Variants in NAALADL2 observed in about 807,000 individuals in gnomAD.
The protein encoded by NAALADL2 is N-acetylated alpha-linked acidic dipeptidase like 2, also known as inactive N-acetylated-alpha-linked acidic dipeptidase-like protein 2.
In NAALADL2, 76 loss-of-function variants were observed where a neutral mutation model predicts 87.2. The observed-to-expected ratio is 0.87, with a 90% CI of 0.72 to 1.05. NAALADL2 has a LOEUF of 1.05. Among genes scored for constraint, NAALADL2 ranks in the 50% least tolerant of loss-of-function variants. NAALADL2 has a pLI of 0.00. For missense variants in NAALADL2, 1,089 were observed against 945.8 expected (o/e 1.15, Z -1.99); for synonymous variants, 354 against 331.0 (o/e 1.07, Z -0.75).
chr3:175,777,774 A>G (rs537596149), intron 13 of NAALADL2, among the ~76,000 whole-genome samples: 1 of 152,280 alleles, frequency 6.6e-6, no homozygotes, highest in Admixed American at 6.5e-5. Flanking sequence ...TCCAGACCAC[A>G]AAAGTCTTTC....
chr3:175,019,817 T>G (rs1418789226), intron 1 of NAALADL2, among the ~76,000 whole-genome samples: 2 of 152,106 alleles, frequency 1.3e-5, no homozygotes, highest in African/African-American at 4.8e-5. Context: ...TGTCATTCTC[T>G]TATGCAAATT....
chr3:175,579,715 A>T (rs55802589), intron 10 of NAALADL2, among the ~76,000 whole-genome samples: 16,971 of 152,240 alleles, frequency 0.11, 1,215 homozygotes, highest in Middle Eastern at 0.17. Context: ...CAATGCGGAG[A>T]ATGTCAAAAA....
At chr3:174,858,026 G>T (rs1439433676), upstream of NAALADL2, among the ~76,000 whole-genome samples, 2 of 150,846 alleles carry the variant, frequency 1.3e-5, no homozygotes, top group African/African-American at 4.9e-5. Flanking sequence ...AAAAGCAATG[G>T]ATTATAAAGA....
intron 3 of NAALADL2, among the ~76,000 whole-genome samples, chr3:174,807,658 T>C (rs1400124104): frequency 6.6e-6 from 1 of 152,094 alleles, no homozygotes; most frequent in Non-Finnish European, 1.5e-5. Flanking sequence ...ATAATAAATA[T>C]ATTTATTTCT....
intron 1 of NAALADL2, among the ~76,000 whole-genome samples, chr3:174,462,487 A>G (rs1349211480): frequency 6.6e-6 from 1 of 152,168 alleles, no homozygotes; most frequent in Non-Finnish European, 1.5e-5. Flanking sequence ...GTATTTTTAT[A>G]AAGAAATTTT....
At chr3:175,199,913 A>AGTTG (rs1426418999) in intron 2 of NAALADL2, among the ~76,000 whole-genome samples, 4 of 114,990 alleles carry the variant, frequency 3.5e-5, no homozygotes. Context: ...TCTGAAGCAA[A>AGTTG]GTTGGTATTC....
At chr3:175,432,519 A>G (rs1201762210) in intron 5 of NAALADL2, among the ~76,000 whole-genome samples, 2 of 152,014 alleles carry the variant, frequency 1.3e-5, no homozygotes, top group African/African-American at 2.4e-5. Flanking sequence ...AATCAACACC[A>G]TATGTAGTCA....
intron 1 of NAALADL2, among the ~76,000 whole-genome samples, chr3:175,046,174 A>G (rs147478168): frequency 2.5e-3 from 375 of 151,988 alleles, no homozygotes; most frequent in African/African-American, 8.3e-3. Flanking sequence ...GTTATCTTCT[A>G]TTTTCTAGGT....
intron 1 of NAALADL2, among the ~76,000 whole-genome samples, chr3:174,495,263 CAAAA>C (rs199803612): frequency 8.3e-5 from 10 of 120,380 alleles, no homozygotes; most frequent in Admixed American, 1.6e-4. Flanking sequence ...ATTAACAAAC[CAAAA>C]AAAAAAAAAA....
chr3:174,613,062 C>T (rs1328606970), intron 2 of NAALADL2, among the ~76,000 whole-genome samples: 1 of 152,194 alleles, frequency 6.6e-6, no homozygotes, highest in Non-Finnish European at 1.5e-5. Flanking sequence ...CCTTGATGGT[C>T]TTGGACAAGA....
In NAALADL2 at chr3:174,673,981, C is replaced by T. The variant is rs558917994; in HGVS notation, c.-114-63660C>T. Among the ~76,000 whole-genome samples the T allele has an allele frequency of 2.0e-5, 3 of 152,054 alleles. No homozygotes were observed. In the South Asian group the frequency reaches 6.2e-4, roughly 32 times the overall value. On this transcript the variant is annotated intron_variant, in intron 2 of 3. Coordinates refer to the NAALADL2 transcript ENST00000434257. ...TGGCAGCTGTTTTAGGCAATTCTTA[C>T]ATTGCTATAAATATATTAATTTGGA...
chr3:175,516,641 G>T (rs2193847), intron 9 of NAALADL2, among the ~76,000 whole-genome samples: 140,597 of 152,264 alleles, frequency 0.92, 65,005 homozygotes, highest in East Asian at 0.97. Flanking sequence ...AGAAAATACC[G>T]TGAGGAGTAT....
chr3:175,335,351 A>G (rs891951599), intron 5 of NAALADL2, among the ~76,000 whole-genome samples: 2 of 152,224 alleles, frequency 1.3e-5, no homozygotes, highest in African/African-American at 4.8e-5. Context: ...ATAGATGTCT[A>G]AAACAGTGTG....
chr3:175,300,740 G>GATTTATTT (rs34592647), intron 4 of NAALADL2, among the ~76,000 whole-genome samples: 1 of 145,516 alleles, frequency 6.9e-6, no homozygotes, highest in Non-Finnish European at 1.5e-5. Flanking sequence ...CCATCTCCTG[G>GATTTATTT]ATTTATTTAT....
At chr3:175,206,080 G>A (rs1740793029) in intron 2 of NAALADL2, among the ~76,000 whole-genome samples, 2 of 151,510 alleles carry the variant, frequency 1.3e-5, no homozygotes, top group Admixed American at 6.6e-5. Context: ...ATTTGATACA[G>A]CAATCCCACT....
chr3:174,584,234 G>T (rs971420751), intron 2 of NAALADL2, among the ~76,000 whole-genome samples: 9 of 152,084 alleles, frequency 5.9e-5, no homozygotes, highest in Non-Finnish European at 1.3e-4. Flanking sequence ...GGTAATCAGA[G>T]AAATTTTACT....
intron 1 of NAALADL2, among the ~76,000 whole-genome samples, chr3:174,860,165 A>G (rs1001085478): frequency 2.6e-5 from 4 of 152,132 alleles, no homozygotes; most frequent in African/African-American, 9.6e-5. Flanking sequence ...GGCCTAATCA[A>G]TATTTGTTAT....
rs576566534 is a variant in NAALADL2 at position 175,747,134 on chromosome 3, C to G, written c.1991-8086C>G. On this transcript the variant is annotated intron_variant, in intron 12 of 13. Coordinates refer to ENST00000454872, the MANE Select transcript of NAALADL2 (RefSeq NM_207015.3). Reference sequence around the variant, plus strand: ...GAGTATGTCTTCAAAACTAGTTTTTCTTTCCCACCATTTCTCTTTGAACTC... The same window carrying G: ...GAGTATGTCTTCAAAACTAGTTTTTGTTTCCCACCATTTCTCTTTGAACTC... 2.2e-4 allele frequency among the ~76,000 whole-genome samples: 33 copies of G among 152,266 alleles called. No homozygotes were observed. The South Asian group carries it at 6.4e-3, about 30-fold the overall frequency.
At chr3:175,525,327 C>G (rs925269495) in intron 9 of NAALADL2, among the ~76,000 whole-genome samples, 6 of 151,874 alleles carry the variant, frequency 4.0e-5, no homozygotes, top group Non-Finnish European at 7.4e-5. Flanking sequence ...TGGGTAAAAC[C>G]GAAGTATTTT....
Sources: allele counts gnomAD v4.1 joint callset (sites outside exome capture counted in the v4.1 genomes callset), GRCh38; gene constraint gnomAD v4.1.1; transcripts MANE v1.5; gene names NCBI Gene and HGNC (gene_info 2026-07-23, HGNC 2026-07-21).